The following LDB2 variants were observed in gnomAD, a reference collection of about 807,000 sequenced individuals.
LDB2 encodes the protein LIM domain binding 2, also known as LIM domain-binding protein 2.
A neutral mutation model predicts 44.3 loss-of-function variants in LDB2; 12 were observed. The ratio of observed to expected loss-of-function variants is 0.27; its 90% confidence interval spans 0.17 to 0.44. The LOEUF (loss-of-function observed/expected upper bound fraction) is 0.44, where lower values mean the gene tolerates loss of function less well. Among genes scored for constraint, LDB2 ranks in the 20% least tolerant of loss-of-function variants. The pLI, the probability that LDB2 is intolerant of heterozygous loss-of-function variation, is 1.00. For missense variants in LDB2, 344 were observed against 473.5 expected (o/e 0.73, Z 2.54); for synonymous variants, 164 against 174.8 (o/e 0.94, Z 0.49).
chr4:16,821,461 G>A (rs1412717072), intron 1 of LDB2, among the ~76,000 whole-genome samples: 2 of 149,314 alleles, frequency 1.3e-5, no homozygotes, highest in Non-Finnish European at 3.0e-5. Flanking sequence ...TCGGCTCACT[G>A]CAAGCTCCAC....
chr4:16,612,581 C>T (rs895734884), intron 2 of LDB2, among the ~76,000 whole-genome samples: 3 of 152,118 alleles, frequency 2.0e-5, no homozygotes, highest in African/African-American at 7.2e-5. Context: ...ATACTACAAA[C>T]ACCTCTAAAC....
At chr4:16,677,683 T>G (rs1239570590) in intron 2 of LDB2, among the ~76,000 whole-genome samples, 3 of 152,226 alleles carry the variant, frequency 2.0e-5, no homozygotes, top group Non-Finnish European at 2.9e-5. Context: ...TCCATGTAAT[T>G]AAGGCACTCA....
rs116721516 is a variant in LDB2 at position 16,875,137 on chromosome 4, C to A, written c.132+23217G>T. On this transcript the variant is annotated intron_variant, in intron 1 of 7. Transcript: ENST00000304523. ...TCACTGGACAGCAAGGCAGGCCAGT[C>A]TGAGAATCAATAGCAGCTGGGGAAA... 5.1e-4 allele frequency among the ~76,000 whole-genome samples: 78 copies of A among 152,144 alleles called. 1 individual carries two copies. The highest frequency in any genetic ancestry group is 1.8e-3 in the African/African-American group (74 of 41,494).
At chr4:16,746,410 C>G (rs1764399348) in intron 2 of LDB2, among the ~76,000 whole-genome samples, 1 of 151,814 alleles carries the variant, frequency 6.6e-6, no homozygotes, top group Non-Finnish European at 1.5e-5. Context: ...TTAGCCAAAG[C>G]CACGGCTAAT....
chr4:16,796,289 C>A (rs971183577), intron 1 of LDB2, among the ~76,000 whole-genome samples: 3 of 152,012 alleles, frequency 2.0e-5, no homozygotes, highest in Non-Finnish European at 2.9e-5. Context: ...CTGTCTCAAA[C>A]AAAACAAAAC....
At chr4:16,883,136 CTG>C (rs1223757548) in intron 1 of LDB2, among the ~76,000 whole-genome samples, 1 of 152,210 alleles carries the variant, frequency 6.6e-6, no homozygotes, top group Non-Finnish European at 1.5e-5. Flanking sequence ...AGGCAAGACA[CTG>C]TGACCAGCAA....
At chr4:16,655,769 A>G (rs12644590) in intron 2 of LDB2, among the ~76,000 whole-genome samples, 20,146 of 152,126 alleles carry the variant, frequency 0.13, 1,561 homozygotes, top group East Asian at 0.28. Context: ...ATACTGCCAG[A>G]GTGATAGACA....
At chr4:16,662,627 G>A (rs766845823) in intron 2 of LDB2, among the ~76,000 whole-genome samples, 9 of 151,992 alleles carry the variant, frequency 5.9e-5, no homozygotes, top group Admixed American at 1.3e-4. Context: ...TAATTGAATC[G>A]TGAGGCAAGT....
chr4:16,847,601 G>GTTTT (rs1446613677), intron 1 of LDB2, among the ~76,000 whole-genome samples: 4 of 126,618 alleles, frequency 3.2e-5, no homozygotes, highest in Non-Finnish European at 3.5e-5. Context: ...ACACATGTTT[G>GTTTT]TTTGTTTGTT....
intron 2 of LDB2, among the ~76,000 whole-genome samples, chr4:16,633,130 C>T (rs1214486987): frequency 2.0e-5 from 3 of 152,162 alleles, no homozygotes; most frequent in Non-Finnish European, 4.4e-5. Flanking sequence ...AGTTCATGTC[C>T]TTTGCAGGGA....
intron 2 of LDB2, among the ~76,000 whole-genome samples, chr4:16,675,177 A>G (rs1298490035): frequency 2.0e-5 from 3 of 152,190 alleles, no homozygotes; most frequent in African/African-American, 7.2e-5. Context: ...GCTTTCCCCA[A>G]TGGCAACATC....
intron 1 of LDB2, among the ~76,000 whole-genome samples, chr4:16,762,332 A>G (rs1251059776): frequency 6.6e-6 from 1 of 152,192 alleles, no homozygotes; most frequent in East Asian, 1.9e-4. Context: ...AAAATGTATT[A>G]CTTCTCATTT....
chr4:16,702,470 C>T (rs1253291829), intron 2 of LDB2, among the ~76,000 whole-genome samples: 1 of 152,150 alleles, frequency 6.6e-6, no homozygotes, highest in African/African-American at 2.4e-5. Context: ...AGCATCTCCC[C>T]GTCCCTCTCA....
intron 5 of LDB2, among the ~76,000 whole-genome samples, chr4:16,538,144 CT>C: frequency 6.6e-6 from 1 of 152,256 alleles, no homozygotes; most frequent in South Asian, 2.1e-4. Context: ...TGTCCTGGGA[CT>C]TCTTGCCTCC....
chr4:16,705,357 A>C (rs899949677), intron 2 of LDB2, among the ~76,000 whole-genome samples: 5 of 152,070 alleles, frequency 3.3e-5, no homozygotes, highest in African/African-American at 1.2e-4. Flanking sequence ...GGGTGTGACC[A>C]TGTGACATTT....
chr4:16,877,459 C>G (rs561360171), intron 1 of LDB2, among the ~76,000 whole-genome samples: 276 of 152,286 alleles, frequency 1.8e-3, no homozygotes, highest in African/African-American at 5.6e-3. Flanking sequence ...CATCTAGCAA[C>G]TAACTGGGAA....
chr4:16,888,934 G>T (rs1445784950), intron 1 of LDB2, among the ~76,000 whole-genome samples: 2 of 152,066 alleles, frequency 1.3e-5, no homozygotes, highest in Admixed American at 6.6e-5. Flanking sequence ...TACTGAGGTT[G>T]AAGCCTTTAT....
chr4:16,848,042 A>G (rs1476444734), intron 1 of LDB2, among the ~76,000 whole-genome samples: 1 of 152,270 alleles, frequency 6.6e-6, no homozygotes, highest in East Asian at 1.9e-4. Context: ...GAGAAAAATA[A>G]GCCAAATACT....
At chr4:16,636,659 C>G (rs1004258076) in intron 2 of LDB2, among the ~76,000 whole-genome samples, 2 of 152,112 alleles carry the variant, frequency 1.3e-5, no homozygotes, top group Admixed American at 6.5e-5. Context: ...AGCAAATCCT[C>G]TTACATTTGG....
Sources: gnomAD v4.1 joint callset for allele counts (sites outside exome capture counted in the v4.1 genomes callset) on GRCh38, gnomAD v4.1.1 for gene constraint, MANE v1.5 for transcripts, NCBI Gene and HGNC (gene_info 2026-07-23, HGNC 2026-07-21) for gene names.